The following DCHS1 variants were observed in gnomAD, a reference collection of about 807,000 sequenced individuals.
DCHS1 encodes protocadherin-16.
DCHS1 carries 78 observed loss-of-function variants against 213.9 expected under a neutral mutation model. The observed-to-expected ratio is 0.36, with a 90% confidence interval of 0.30 to 0.44. The LOEUF is 0.44. DCHS1 is among the 20% of genes least tolerant of loss of function. The pLI is 1.00. For missense variants in DCHS1, 3,946 were observed against 4,395.9 expected, an observed-to-expected ratio of 0.90 and a Z score of 2.89; for synonymous variants, 1,828 against 1,873.7, an observed-to-expected ratio of 0.98 and a Z score of 0.63.
intron 1 of DCHS1, among the ~76,000 whole-genome samples, chr11:6,649,556 T>C (rs184247988): frequency 3.3e-5 from 5 of 152,164 alleles, no homozygotes; most frequent in Admixed American, 1.3e-4. Flanking sequence ...AAGTGATTCA[T>C]TGATAAATCT....
Position 6,630,757 on chromosome 11 carries a change from C to G in DCHS1, c.4037G>C (p.Arg1346Pro). Reference protein sequence around the residue: ...VLTVTAAEGLRPGSLLGSVAA... With the variant: ...VLTVTAAEGLPPGSLLGSVAA... ...CACCGAGCCCAACAGAGAGCCGGGC[C>G]GCAGTCCCTCAGCTGCTGTCACCGT... The change falls in exon 10 of 21, where the codon CGG becomes CCG. Residue 1346 changes from arginine to proline, a missense_variant. This residue lies in a region of DCHS1 where 3,384 missense variants were observed against 3,780.1 expected (regional missense o/e 0.90). Transcript: ENST00000299441. 6.5e-7 allele frequency: 1 copy of G among 1,546,260 alleles called. No individual in the cohort carries two copies. The highest frequency in any genetic ancestry group is 8.7e-7 in the Non-Finnish European group (1 of 1,147,346).
chr11:6,651,896 A>G (rs1226964686), intron 1 of DCHS1, among the ~76,000 whole-genome samples: 1 of 152,232 alleles, frequency 6.6e-6, no homozygotes, highest in Non-Finnish European at 1.5e-5. Context: ...GCTATACAGT[A>G]AAGAGCAGGC....
intron 1 of DCHS1, among the ~76,000 whole-genome samples, chr11:6,647,147 C>T (rs946489607): frequency 2.0e-5 from 3 of 152,038 alleles, no homozygotes; most frequent in Non-Finnish European, 1.5e-5. Context: ...CCTCAGTGAG[C>T]AAAGGGGTGA....
In DCHS1 at chr11:6,641,393, G is replaced by T. The variant is rs143141109; in HGVS notation, c.221C>A (p.Ala74Asp). The T allele has an allele frequency of 7.4e-6, 12 of 1,612,924 alleles. No homozygotes were observed. In the Admixed American group the frequency reaches 1.7e-4, roughly 22 times the overall value. The change falls in exon 2 of 21, where the codon GCT becomes GAT. Residue 74 changes from alanine (A) to aspartate (D), a missense_variant. Ala to Asp is a moderately radical substitution (Grantham distance 126, BLOSUM62 -2). Around this residue, in one of 3 missense-constraint regions of DCHS1, gnomAD observed 3,384 missense variants for 3,780.1 expected, o/e 0.90. Transcript: ENST00000299441. The surrounding 1 kb of genome is among the most constrained non-coding windows in gnomAD (Gnocchi z 7.1). ...ISAGLPAGTA[A>D]PLMYFISAQE... Reference sequence around the variant, plus strand: ...GGCAGAGATGAAGTACATGAGAGGAGCTGCCGTGCCTGCCGGAAGCCCCGC... The same window carrying T: ...GGCAGAGATGAAGTACATGAGAGGATCTGCCGTGCCTGCCGGAAGCCCCGC...
Position 6,621,969 on chromosome 11 carries a change from C to T in DCHS1, c.9707G>A (p.Arg3236His), listed in dbSNP as rs1418163020. ...GGAGCCTTCATGGCTGATGGGGGAGCGGTGAGAAGCTGGTGGGAAGATGGC... is the reference window on the plus strand; with the variant it reads ...GGAGCCTTCATGGCTGATGGGGGAGTGGTGAGAAGCTGGTGGGAAGATGGC... ...ARAIFPPASH[R>H]SPISHEGSLS... The change falls in exon 21 of 21, where the codon CGC becomes CAC. Residue 3236 changes from arginine (R) to histidine (H), a missense_variant. Arg to His is a conservative substitution (Grantham distance 29, BLOSUM62 0). Transcript: ENST00000299441. The T allele has an allele frequency of 9.3e-6, 15 of 1,612,894 alleles. No individual in the cohort carries two copies. The highest frequency in any genetic ancestry group is 1.6e-4 in the Middle Eastern group (1 of 6,078).
At chr11:6,636,410 A>G (rs969169382) in intron 2 of DCHS1, among the ~76,000 whole-genome samples, 2 of 151,896 alleles carry the variant, frequency 1.3e-5, no homozygotes, top group African/African-American at 4.8e-5. Flanking sequence ...GTGTTTCACT[A>G]TGTTGCCCAG....
chr11:6,655,803 C>T lies in DCHS1; in HGVS notation c.-361G>A. 2.1e-6 allele frequency: 2 copies of T among 974,606 alleles called. No homozygotes were observed. Among genetic ancestry groups the T allele is most frequent in the Non-Finnish European group, 2.4e-6 (2 of 824,722 alleles). The allele number at this position is 974,606 out of a possible 1,614,324, so 60.4% of individuals were successfully genotyped here. A position where few individuals can be genotyped will look rare whatever the true frequency, so the allele number is the denominator to read the frequency against. ...ACAGCCGCCCCGCCGAGGATGCGAG[C>T]TCCGCTGCCGCGGCCCCGCGCCCCC... On this transcript the variant is annotated 5_prime_UTR_variant, in exon 1 of 21. Coordinates refer to ENST00000299441, the MANE Select transcript of DCHS1 (RefSeq NM_003737.4).
rs1429672512 is a variant in DCHS1, at chr11:6,625,206, G to C, written c.7138C>G (p.Leu2380Val). ...TCCATGGGTGTCAATACCTGGTAGA[G>C]GCTCTGTGAGAAGGCAGGTGCATTG... ...NDNAPAFSQS[L>V]YQVMLLEHTP... The change falls in exon 19 of 21, where the codon CTC (leucine) becomes GTC (valine). Residue 2380 changes from leucine to valine, a missense_variant. By Grantham distance (32) the Leu-to-Val change is conservative (BLOSUM62 1). Transcript: ENST00000299441. The surrounding 1 kb of genome is among the most constrained non-coding windows in gnomAD (Gnocchi z 5.3). The C allele has an allele frequency of 1.9e-6, 3 of 1,592,166 alleles. No homozygotes were observed. The highest frequency in any genetic ancestry group is 2.3e-5 in the South Asian group (2 of 87,170).
intron 1 of DCHS1, among the ~76,000 whole-genome samples, chr11:6,648,595 A>C (rs545828655): frequency 6.6e-6 from 1 of 152,302 alleles, no homozygotes; most frequent in East Asian, 1.9e-4. Context: ...ATACATGCTT[A>C]CTACACCCCT....
intron 2 of DCHS1, among the ~76,000 whole-genome samples, chr11:6,637,290 T>C (rs1156291006): frequency 6.6e-6 from 1 of 152,198 alleles, no homozygotes; most frequent in Non-Finnish European, 1.5e-5. Flanking sequence ...CCTTGCAGGA[T>C]GGTTAGCAGC....
chr11:6,622,902 G>C lies in DCHS1; in HGVS notation c.8774C>G (p.Thr2925Ser), dbSNP rs946720394. Residue 2925 changes from threonine to serine, a missense_variant, in exon 21 of 21, where the codon ACC (threonine) becomes AGC (serine). By Grantham distance (58) the Thr-to-Ser change is moderately conservative. Around this residue, in one of 3 missense-constraint regions of DCHS1, gnomAD observed 554 missense variants for 590.2 expected, o/e 0.94. Transcript: ENST00000299441. The surrounding 1 kb of genome is among the most constrained non-coding windows in gnomAD (Gnocchi z 5.4). ...TVPVTVDITH[T>S]ALGLAPDLNL... ...GAGGTCAGGTGCCAGGCCCAGTGCG[G>C]TGTGGGTGATATCCACGGTCACAGG... 5 of 1,596,864 alleles carry C rather than the reference G, an allele frequency of 3.1e-6. No homozygotes were observed. In the South Asian group the frequency reaches 4.5e-5, roughly 14 times the overall value.
At position 6,630,301 on chromosome 11, in the gene DCHS1, G is replaced by T; in HGVS notation, c.4493C>A (p.Pro1498Gln). 1 of 1,462,510 alleles carries T rather than the reference G, an allele frequency of 6.8e-7. No individual in the cohort carries two copies. The highest frequency in any genetic ancestry group is 9.0e-7 in the Non-Finnish European group (1 of 1,112,222). The allele number at this position is 1,462,510 out of a possible 1,614,324, so 90.6% of individuals were successfully genotyped here. A position where few individuals can be genotyped will look rare whatever the true frequency, so the allele number is the denominator to read the frequency against. ...AGTGGTCTCTCGGTCCAGGCCGCGC[G>T]GAGCGCTGAGCGCCCCGGTGCGCGC... ...LDARTGALSA[P>Q]RGLDRETTPA... Residue 1498 changes from proline (P) to glutamine (Q), a missense_variant, in exon 10 of 21, where the codon CCG becomes CAG. Around this residue, in one of 3 missense-constraint regions of DCHS1, gnomAD observed 3,384 missense variants for 3,780.1 expected, o/e 0.90. Transcript: ENST00000299441.
chr11:6,625,163 G>A lies in DCHS1; in HGVS notation c.7146+35C>T, dbSNP rs764304096. The A allele has an allele frequency of 1.9e-6, 3 of 1,543,582 alleles. No homozygotes were observed. The highest frequency in any genetic ancestry group is 2.6e-6 in the Non-Finnish European group (3 of 1,145,200). The stretch of plus-strand genomic sequence containing the variant: ...ACTTCCCTCCAACAGGAACAACCCA[G>A]GCCCAGGTGTAGGTGGATCCATGGG... On this transcript the variant is annotated intron_variant, in intron 19 of 20. Transcript: ENST00000299441. This position sits in a 1 kb window ranked among gnomAD's most constrained non-coding sequence, Gnocchi z 5.3.
At chr11:6,645,169 T>C (rs1322827488) in intron 1 of DCHS1, among the ~76,000 whole-genome samples, 4 of 152,250 alleles carry the variant, frequency 2.6e-5, no homozygotes, top group African/African-American at 9.6e-5. Context: ...CATCCCCTGA[T>C]AGGCCCCCTC....
intron 1 of DCHS1, among the ~76,000 whole-genome samples, chr11:6,646,128 A>C (rs1441572146): frequency 1.3e-5 from 2 of 151,032 alleles, no homozygotes; most frequent in African/African-American, 4.9e-5. Context: ...ATACACACAC[A>C]CACCCACCCT....
Position 6,655,643 on chromosome 11 carries a change from G to A in DCHS1, c.-201C>T. On this transcript the variant is annotated 5_prime_UTR_variant, in exon 1 of 21. Coordinates refer to ENST00000299441, the MANE Select transcript of DCHS1 (RefSeq NM_003737.4). ...AGCCCCCCGGGCAGCGCCCGCTCGC[G>A]CGGGGCCTGAGGCCGCGCATCGTCC... The A allele has an allele frequency of 1.0e-6, 1 of 977,586 alleles. No individual in the cohort carries two copies. The highest frequency in any genetic ancestry group is 5.3e-4 in the Middle Eastern group (1 of 1,904). The allele number at this position is 977,586 out of a possible 1,614,324, so 60.6% of individuals were successfully genotyped here.
rs781524621 is a variant in DCHS1, at chr11:6,640,838, C to T, written c.776G>A (p.Arg259His). 36 of 1,614,048 alleles carry T rather than the reference C, an allele frequency of 2.2e-5. No homozygotes were observed. The highest frequency in any genetic ancestry group is 4.5e-5 in the East Asian group (2 of 44,886). Residue 259 changes from arginine to histidine, a missense_variant, in exon 2 of 21, where the codon CGC becomes CAC. This residue lies in a region of DCHS1 where 3,384 missense variants were observed against 3,780.1 expected (regional missense o/e 0.90). Transcript: ENST00000299441. The surrounding 1 kb of genome is among the most constrained non-coding windows in gnomAD (Gnocchi z 6.5). ...NDHAPAFNQS[R>H]YHAVVSESLA... is the part of the protein sequence containing the mutation. ...GCTCTCAGACACCACAGCATGGTAG[C>T]GGCTCTGATTGAAAGCCGGGGCATG...
rs755242978 is a variant in DCHS1, at chr11:6,632,413, G to T, written c.3099C>A (p.Thr1033=). 1.9e-6 allele frequency: 3 copies of T among 1,612,848 alleles called. No individual in the cohort carries two copies. In the South Asian group the frequency reaches 3.3e-5, roughly 18 times the overall value. ...TTGCTCCCTCTGCTGCAAGGTGATA[G>T]GTGATAGGGCCCCCATCTGGTGCTT... is the stretch of plus-strand genomic sequence containing the variant. ...QAQAPDGGPI[T]YHLAAEGASS... The change falls in exon 6 of 21, where the codon ACC becomes ACA. Residue 1033 remains threonine, a synonymous_variant. Coordinates refer to ENST00000299441, the MANE Select transcript of DCHS1 (RefSeq NM_003737.4). The surrounding 1 kb of genome is among the most constrained non-coding windows in gnomAD (Gnocchi z 5.9).
chr11:6,630,456 T>C lies in DCHS1; in HGVS notation c.4338A>G (p.Pro1446=), dbSNP rs1225031878. The C allele has an allele frequency of 4.0e-6, 6 of 1,516,530 alleles. No homozygotes were observed. The highest frequency in any genetic ancestry group is 2.4e-5 in the South Asian group (2 of 83,450). The allele number at this position is 1,516,530 out of a possible 1,614,324, so 93.9% of individuals were successfully genotyped here. A position where few individuals can be genotyped will look rare whatever the true frequency, so the allele number is the denominator to read the frequency against. ...GCGCTGCGCCGGGCTCCGGGTTCTC[T>C]GGCAGCGCCAGCGCCAGCGGGTCGC... The part of the protein sequence containing the change: ...FARDPLALAL[P]ENPEPGAALY... Residue 1446 remains proline, a synonymous_variant, in exon 10 of 21, where the codon CCA becomes CCG. Transcript: ENST00000299441.
Sources: gnomAD v4.1 joint callset for allele counts (sites outside exome capture counted in the v4.1 genomes callset) on GRCh38, gnomAD v4.1.1 for gene constraint, gnomAD v4.1.1 regional missense constraint, Gnocchi (gnomAD v3.1) non-coding constraint, MANE v1.5 for transcripts, NCBI Gene and HGNC (gene_info 2026-07-23, HGNC 2026-07-21) for gene names.